The following MCM9 variants were observed in gnomAD, a reference collection of about 807,000 sequenced individuals.
The protein encoded by MCM9 is DNA helicase MCM9.
In MCM9, 55 loss-of-function variants were observed where a neutral mutation model predicts 72.8. That is an observed-to-expected ratio of 0.76 (90% confidence interval 0.61 to 0.95). The LOEUF (loss-of-function observed/expected upper bound fraction) is 0.95, where lower values mean the gene tolerates loss of function less well. MCM9 is among the 40% of genes least tolerant of loss of function. MCM9 has a pLI of 0.00. For missense variants in MCM9, 1,279 were observed against 1,377.0 expected, an observed-to-expected ratio of 0.93 and a Z score of 1.13; for synonymous variants, 480 against 503.4, an observed-to-expected ratio of 0.95 and a Z score of 0.62.
At chr6:118,852,682 A>T (rs1583436329) in intron 9 of MCM9, among the ~76,000 whole-genome samples, 3 of 152,352 alleles carry the variant, frequency 2.0e-5, no homozygotes, top group Middle Eastern at 6.8e-3. Context: ...GAGTGAATTC[A>T]TGTCTGTTGA....
intron 1 of MCM9, chr6:118,934,527 C>T (rs1294183792): frequency 6.6e-6 from 1 of 151,864 alleles, no homozygotes; most frequent in Non-Finnish European, 1.5e-5. Context: ...CCGCCCCCTC[C>T]GCGCGGGCTG....
chr6:118,844,670 T>C (rs1775735368), intron 9 of MCM9, among the ~76,000 whole-genome samples: 2 of 151,848 alleles, frequency 1.3e-5, no homozygotes, highest in South Asian at 2.1e-4. Context: ...TTCATCTCAA[T>C]AGGTACAGAA....
intron 13 of MCM9, among the ~76,000 whole-genome samples, chr6:118,817,480 A>G (rs951083844): frequency 1.3e-5 from 2 of 152,054 alleles, no homozygotes; most frequent in African/African-American, 4.8e-5. Context: ...ATCCTTTTTT[A>G]TGTCTGCATA....
intron 8 of MCM9, chr6:118,907,494 C>T (rs1422012826): frequency 6.2e-7 from 1 of 1,613,488 alleles, no homozygotes; most frequent in Non-Finnish European, 8.5e-7. Flanking sequence ...ATGCAGAGAG[C>T]AGTAATCCAA....
chr6:118,826,821 G>T lies in MCM9; in HGVS notation c.1776C>A (p.Asp592Glu). ...CCATGACTGACACCACCGTAATAGC[G>T]TCTTCCAGAGTTACAGTATCACGAA... Reference protein sequence around the residue: ...LMFRDTVTLEDAITVVSVMES... With the variant: ...LMFRDTVTLEEAITVVSVMES... Residue 592 changes from aspartate to glutamate, a missense_variant, in exon 12 of 14, where the codon GAC becomes GAA. Transcript: ENST00000619706. 8 of 1,550,328 alleles carry T rather than the reference G, an allele frequency of 5.2e-6. No homozygotes were observed. Among genetic ancestry groups the T allele is most frequent in the African/African-American group, 1.4e-5 (1 of 73,120 alleles).
intron 4 of MCM9, 49 bp downstream of exon 4, chr6:118,923,762 T>C: frequency 1.9e-6 from 3 of 1,539,972 alleles, no homozygotes; most frequent in Non-Finnish European, 2.7e-6. Flanking sequence ...TGCCCATAGC[T>C]GAAAAACACT....
In MCM9 at chr6:118,867,876, T is replaced by TTTC. The variant is rs1777319693; in HGVS notation, c.1151-11334_1151-11332dup. On this transcript the variant is annotated intron_variant, in intron 8 of 13. Coordinates refer to ENST00000619706, the MANE Select transcript of MCM9 (RefSeq NM_017696.3). ...AAATTAATTATATTTCTTTTTTCTT[T>TTTC]TTCTTTTTCTTTTTTTTTGAGATGA... 6.5e-5 allele frequency among the ~76,000 whole-genome samples: 4 copies of TTTC among 62,012 alleles called. No homozygotes were observed. The South Asian group carries it at 3.3e-3, about 51-fold the overall frequency. 40.7% of individuals were successfully genotyped at this position (62,012 alleles called of 152,430 possible).
chr6:118,820,098 GGGTTTTTC>G (rs1458243033), intron 13 of MCM9, among the ~76,000 whole-genome samples: 1 of 151,912 alleles, frequency 6.6e-6, no homozygotes, highest in Non-Finnish European at 1.5e-5. Flanking sequence ...ATTTTTTGAA[GGGTTTTTC>G]GTGTCTCTAT....
At chr6:118,851,819 C>T (rs974912416) in intron 9 of MCM9, among the ~76,000 whole-genome samples, 6 of 152,140 alleles carry the variant, frequency 3.9e-5, no homozygotes, top group African/African-American at 1.4e-4. Context: ...CATTTTTGCA[C>T]AGTAATACCA....
At chr6:118,920,247 C>T (rs2114343627) in intron 5 of MCM9, 2 of 152,284 alleles carry the variant, frequency 1.3e-5, no homozygotes, top group Middle Eastern at 6.8e-3. Context: ...GGTTGCTTAG[C>T]AGGCAATCCA....
chr6:118,923,847 C>T lies in MCM9; in HGVS notation c.585G>A (p.Arg195=), dbSNP rs764733459. 1 of 1,614,134 alleles carries T rather than the reference C, an allele frequency of 6.2e-7. No homozygotes were observed. The highest frequency in any genetic ancestry group is 8.5e-7 in the Non-Finnish European group (1 of 1,180,020). The change falls in exon 4 of 14, where the codon AGG becomes AGA. Residue 195 remains arginine, a synonymous_variant. Transcript: ENST00000619706. The part of the protein sequence containing the change: ...CLSGLSSSPT[R]CRDYQEIKIQ... Reference sequence around the variant, plus strand: ...TTTTGATTTCCTGGTAATCTCTACACCTGGTTGGAGACGAAGACAAGCCTG... The same window carrying T: ...TTTTGATTTCCTGGTAATCTCTACATCTGGTTGGAGACGAAGACAAGCCTG...
At chr6:118,916,474 TATG>T (rs1554261930) in intron 6 of MCM9, among the ~76,000 whole-genome samples, 9 of 140,836 alleles carry the variant, frequency 6.4e-5, no homozygotes, top group South Asian at 4.4e-4. Context: ...TTATTATTAT[TATG>T]AGACAGAGTC....
chr6:118,893,320 T>C (rs897987502), intron 8 of MCM9, among the ~76,000 whole-genome samples: 5 of 152,186 alleles, frequency 3.3e-5, no homozygotes, highest in African/African-American at 1.2e-4. Context: ...TTGTGTTCTT[T>C]TTCCCATCTC....
chr6:118,813,620 T>C lies in MCM9; in HGVS notation c.*1204A>G, dbSNP rs1773241865. On this transcript the variant is annotated 3_prime_UTR_variant, in exon 14 of 14. Transcript: ENST00000619706. ...CTATGTCCAAAAGTCCCTCTGACAATTAAACAATCAGTTTACAAATTCACA... is the reference window on the plus strand; with the variant it reads ...CTATGTCCAAAAGTCCCTCTGACAACTAAACAATCAGTTTACAAATTCACA... The C allele has an allele frequency of 6.6e-6, 1 of 152,230 alleles. No individual in the cohort carries two copies. Among genetic ancestry groups the C allele is most frequent in the South Asian group, 2.1e-4 (1 of 4,832 alleles). The allele number at this position is 152,230 out of a possible 1,614,324, so 9.4% of individuals were successfully genotyped here. A position where few individuals can be genotyped will look rare whatever the true frequency, so the allele number is the denominator to read the frequency against.
chr6:118,879,801 T>C (rs1285548651), intron 8 of MCM9, among the ~76,000 whole-genome samples: 1 of 151,610 alleles, frequency 6.6e-6, no homozygotes, highest in African/African-American at 2.4e-5. Context: ...CCCAGCACTT[T>C]GGGAGGCTGA....
intron 9 of MCM9, 26 bp from the exon 10 acceptor site, chr6:118,829,276 C>T (rs974499025): frequency 6.6e-7 from 1 of 1,525,494 alleles, no homozygotes; most frequent in African/African-American, 1.4e-5. Flanking sequence ...GTACAATTCA[C>T]TGATTGTGAG....
intron 9 of MCM9, 80 bp from the exon 10 acceptor site, chr6:118,829,330 T>C: frequency 7.5e-7 from 1 of 1,335,508 alleles, no homozygotes; most frequent in African/African-American, 1.5e-5. Flanking sequence ...AAAATGGGGC[T>C]GCTCTTGCAC....
intron 10 of MCM9, 141 bp downstream of exon 10, chr6:118,828,907 T>C: frequency 2.3e-6 from 2 of 869,808 alleles, no homozygotes; most frequent in Non-Finnish European, 3.4e-6. Context: ...CTCCTCTCAC[T>C]GCTTTCTGTC....
At chr6:118,902,807 G>C (rs562881794) in intron 8 of MCM9, among the ~76,000 whole-genome samples, 9 of 152,176 alleles carry the variant, frequency 5.9e-5, no homozygotes, top group African/African-American at 2.2e-4. Flanking sequence ...TCAACAGAAA[G>C]AGACTAAATT....
Sources: allele counts gnomAD v4.1 joint callset (sites outside exome capture counted in the v4.1 genomes callset), GRCh38; gene constraint gnomAD v4.1.1; transcripts MANE v1.5; gene names NCBI Gene and HGNC (gene_info 2026-07-23, HGNC 2026-07-21).